Variants in MSH3 observed in about 807,000 individuals in gnomAD.
The protein encoded by MSH3 is mutS homolog 3.
MSH3 carries 106 observed loss-of-function variants against 123.3 expected under a neutral mutation model. The ratio of observed to expected loss-of-function variants is 0.86; its 90% CI spans 0.73 to 1.01. The LOEUF is 1.01. Among genes scored for constraint, MSH3 ranks in the 50% least tolerant of loss-of-function variants. The probability of loss-of-function intolerance (pLI) is 0.00; values close to 1 mark genes in which losing one functional copy is unlikely to be tolerated. For synonymous variants in MSH3, 515 were observed against 481.4 expected (o/e 1.07, Z -0.91); for missense variants, 1,459 against 1,347.6 (o/e 1.08, Z -1.29).
intron 20 of MSH3, among the ~76,000 whole-genome samples, chr5:80,829,041 T>C (rs1325070459): frequency 6.6e-6 from 1 of 152,236 alleles, no homozygotes; most frequent in African/African-American, 2.4e-5. Context: ...CTGTCCTGGC[T>C]CTGGCTCTGA....
At chr5:80,820,051 C>A (rs929989749) in intron 20 of MSH3, among the ~76,000 whole-genome samples, 2 of 152,104 alleles carry the variant, frequency 1.3e-5, no homozygotes, top group African/African-American at 4.8e-5. Context: ...CTTGCTCATT[C>A]CTTCATTCAT....
intron 20 of MSH3, among the ~76,000 whole-genome samples, chr5:80,825,824 C>G (rs184140858): frequency 6.6e-6 from 1 of 152,310 alleles, no homozygotes; most frequent in African/African-American, 2.4e-5. Flanking sequence ...GAAGTGCCAT[C>G]TGGTAAATTA....
At chr5:80,757,410 A>G (rs1277334201) in intron 12 of MSH3, among the ~76,000 whole-genome samples, 2 of 152,124 alleles carry the variant, frequency 1.3e-5, no homozygotes, top group Non-Finnish European at 2.9e-5. Context: ...TGACTCCATC[A>G]CTGACAATAG....
intron 20 of MSH3, among the ~76,000 whole-genome samples, chr5:80,817,552 T>C (rs189396347): frequency 1.2e-4 from 19 of 152,304 alleles, no homozygotes; most frequent in East Asian, 9.7e-4. Context: ...TCCAAGAATT[T>C]ATTATTCTAA....
intron 20 of MSH3, among the ~76,000 whole-genome samples, chr5:80,824,394 G>A (rs1412009018): frequency 1.3e-5 from 2 of 150,692 alleles, no homozygotes; most frequent in Non-Finnish European, 3.0e-5. Flanking sequence ...CAGGACGGGG[G>A]CTGCCCCCCA....
chr5:80,723,189 A>G (rs1751123470), intron 8 of MSH3, among the ~76,000 whole-genome samples: 1 of 152,128 alleles, frequency 6.6e-6, no homozygotes, highest in Non-Finnish European at 1.5e-5. Context: ...AAAATTCACA[A>G]AGAAAATCAA....
chr5:80,729,440 GT>G (rs1322567993), intron 10 of MSH3, among the ~76,000 whole-genome samples: 1 of 133,146 alleles, frequency 7.5e-6, no homozygotes, highest in Non-Finnish European at 1.6e-5. Context: ...ATGTGTGTGT[GT>G]GTGTGTGTGT....
intron 19 of MSH3, among the ~76,000 whole-genome samples, chr5:80,794,135 G>C (rs1055999118): frequency 3.9e-5 from 6 of 152,120 alleles, no homozygotes; most frequent in Non-Finnish European, 1.5e-5. Flanking sequence ...AGACAATTCT[G>C]GGTGATAGAT....
At chr5:80,811,203 T>C (rs976841112) in intron 19 of MSH3, among the ~76,000 whole-genome samples, 1 of 152,150 alleles carries the variant, frequency 6.6e-6, no homozygotes, top group Non-Finnish European at 1.5e-5. Context: ...AGCACAATCA[T>C]GACATATAGG....
At chr5:80,724,417 C>G (rs1216963394) in intron 8 of MSH3, among the ~76,000 whole-genome samples, 9 of 151,552 alleles carry the variant, frequency 5.9e-5, no homozygotes, top group Admixed American at 5.9e-4. Context: ...TTGTGTATGA[C>G]CAAAATATGA....
At chr5:80,710,752 G>A (rs1750841310) in intron 8 of MSH3, among the ~76,000 whole-genome samples, 1 of 152,118 alleles carries the variant, frequency 6.6e-6, no homozygotes, top group Non-Finnish European at 1.5e-5. Context: ...AAGGATAGGG[G>A]TTTTAAAATA....
chr5:80,725,688 T>A, intron 9 of MSH3, 123 bp downstream of exon 9: 2 of 734,764 alleles, frequency 2.7e-6, no homozygotes, highest in Non-Finnish European at 4.8e-6. Context: ...GAAGAAGAGC[T>A]CACTGTTGTT....
intron 22 of MSH3, among the ~76,000 whole-genome samples, chr5:80,866,375 G>C (rs1350692970): frequency 1.3e-5 from 2 of 152,172 alleles, no homozygotes. Context: ...TTGAATTCAA[G>C]TGATCCTCCT....
At chr5:80,720,292 T>C (rs984241497) in intron 8 of MSH3, among the ~76,000 whole-genome samples, 6 of 152,262 alleles carry the variant, frequency 3.9e-5, no homozygotes, top group African/African-American at 1.2e-4. Flanking sequence ...TTTTTAAATA[T>C]ACAGTGTCAA....
intron 19 of MSH3, among the ~76,000 whole-genome samples, chr5:80,810,692 G>A (rs1180424028): frequency 6.6e-6 from 1 of 152,088 alleles, no homozygotes; most frequent in East Asian, 1.9e-4. Flanking sequence ...TGTAATTACT[G>A]TAGCATTATA....
At chr5:80,825,540 CAT>C (rs371754111) in intron 20 of MSH3, among the ~76,000 whole-genome samples, 23 of 151,702 alleles carry the variant, frequency 1.5e-4, no homozygotes, top group Admixed American at 5.9e-4. Context: ...TATAAACAGT[CAT>C]ATTTGTGACT....
At chr5:80,833,981 A>G (rs565465561) in intron 20 of MSH3, among the ~76,000 whole-genome samples, 1 of 152,254 alleles carries the variant, frequency 6.6e-6, no homozygotes, top group African/African-American at 2.4e-5. Context: ...TAAATAAACT[A>G]TACATTTCTT....
intron 8 of MSH3, among the ~76,000 whole-genome samples, chr5:80,723,692 C>T (rs949528410): frequency 6.6e-6 from 1 of 151,958 alleles, no homozygotes; most frequent in Non-Finnish European, 1.5e-5. Flanking sequence ...TGAAATGATA[C>T]AGTTTTTTAT....
chr5:80,875,666 T>G (rs1402006374), intron 23 of MSH3, 85 bp from the exon 24 acceptor site: 12 of 797,838 alleles, frequency 1.5e-5, no homozygotes, highest in Non-Finnish European at 2.6e-5. Flanking sequence ...ATTCAAGTGT[T>G]ATAGACTTTT....
Sources: gnomAD v4.1 joint callset for allele counts (sites outside exome capture counted in the v4.1 genomes callset) on GRCh38, gnomAD v4.1.1 for gene constraint, MANE v1.5 for transcripts, NCBI Gene and HGNC (gene_info 2026-07-23, HGNC 2026-07-21) for gene names.